SLCO6A1: variants seen among roughly 807,000 people sequenced by gnomAD.
The protein encoded by SLCO6A1 is cancer/testis antigen 48.
Under a neutral mutation model 72.7 loss-of-function variants are expected in SLCO6A1, and 65 were observed. That is an observed-to-expected ratio of 0.89 (90% CI 0.73 to 1.10). The LOEUF (loss-of-function observed/expected upper bound fraction) is 1.10, where lower values mean the gene tolerates loss of function less well. Ranked by LOEUF, SLCO6A1 falls within the 50% of genes least tolerant of loss-of-function variation. The probability of loss-of-function intolerance (pLI) is 0.00; values close to 1 mark genes in which losing one functional copy is unlikely to be tolerated. For missense variants in SLCO6A1, 874 were observed against 872.6 expected (o/e 1.00, Z -0.02); for synonymous variants, 314 against 298.2 (o/e 1.05, Z -0.55).
intron 4 of SLCO6A1, among the ~76,000 whole-genome samples, chr5:102,467,311 C>A (rs1751360822): frequency 6.6e-6 from 1 of 151,904 alleles, no homozygotes; most frequent in African/African-American, 2.4e-5. Flanking sequence ...CCTAGCTACT[C>A]CAGAGGTGGG....
At position 102,413,070 on chromosome 5, in the gene SLCO6A1, T is replaced by C; in HGVS notation, c.1546A>G (p.Ile516Val). 2.5e-6 allele frequency: 4 copies of C among 1,581,572 alleles called. No individual in the cohort carries two copies. The highest frequency in any genetic ancestry group is 1.2e-5 in the South Asian group (1 of 81,188). The change falls in exon 9 of 14, where the codon ATA becomes GTA. Residue 516 changes from isoleucine (I) to valine (V), a missense_variant. Physicochemically the swap from Ile to Val is conservative, Grantham distance 29. Transcript: ENST00000506729. ...TATTCAATATCATCTCTTCCACATA[T>C]AGAAGAATAAATTGAAGATGAGCAT... is the stretch of plus-strand genomic sequence containing the variant. The part of the protein sequence containing the change: ...CRCSSSIYSS[I>V]CGRDDIEYFS...
chr5:102,449,440 G>A (rs962563639), intron 6 of SLCO6A1, among the ~76,000 whole-genome samples: 1 of 151,244 alleles, frequency 6.6e-6, no homozygotes, highest in African/African-American at 2.4e-5. Context: ...AGGCTGGAGT[G>A]CAGTGGCACA....
At chr5:102,412,960 C>A (rs905884513) in intron 9 of SLCO6A1, 30 bp downstream of exon 9, 1 of 1,021,770 alleles carries the variant, frequency 9.8e-7, no homozygotes, top group Non-Finnish European at 1.3e-6. Context: ...AAATGTATAA[C>A]AAAACATAAT....
intron 4 of SLCO6A1, among the ~76,000 whole-genome samples, chr5:102,461,847 A>G (rs891948542): frequency 4.6e-5 from 7 of 152,112 alleles, no homozygotes; most frequent in Admixed American, 6.5e-5. Context: ...ACAAGTTTAT[A>G]GAGCATAAGA....
At chr5:102,441,243 T>C (rs1215043905) in intron 6 of SLCO6A1, among the ~76,000 whole-genome samples, 1 of 152,226 alleles carries the variant, frequency 6.6e-6, no homozygotes, top group African/African-American at 2.4e-5. Context: ...CACATTTTAT[T>C]AACCTGGAAA....
chr5:102,403,921 TCTA>T (rs1747531605), intron 9 of SLCO6A1, among the ~76,000 whole-genome samples: 1 of 152,130 alleles, frequency 6.6e-6, no homozygotes, highest in Non-Finnish European at 1.5e-5. Context: ...TACCTATTTT[TCTA>T]CTTATTTTTT....
chr5:102,447,218 C>A (rs191612225), intron 6 of SLCO6A1, among the ~76,000 whole-genome samples: 2 of 152,302 alleles, frequency 1.3e-5, no homozygotes, highest in East Asian at 3.9e-4. Flanking sequence ...TAAAAGCCTA[C>A]TCAATTGTGG....
At chr5:102,402,756 C>A (rs1001022404) in intron 9 of SLCO6A1, among the ~76,000 whole-genome samples, 1 of 152,176 alleles carries the variant, frequency 6.6e-6, no homozygotes, top group Non-Finnish European at 1.5e-5. Flanking sequence ...GGCTGAATCA[C>A]CACTTAATGA....
intron 2 of SLCO6A1, among the ~76,000 whole-genome samples, chr5:102,479,859 T>A (rs892271422): frequency 1.3e-5 from 2 of 152,170 alleles, no homozygotes; most frequent in Non-Finnish European, 2.9e-5. Context: ...ATCGATTCAC[T>A]CTTCCCTTCT....
chr5:102,483,601 G>A (rs567692439), intron 1 of SLCO6A1, among the ~76,000 whole-genome samples: 1 of 152,190 alleles, frequency 6.6e-6, no homozygotes, highest in African/African-American at 2.4e-5. Flanking sequence ...AATCATTCTG[G>A]GAAGGCTGGA....
intron 6 of SLCO6A1, among the ~76,000 whole-genome samples, chr5:102,443,281 G>C (rs1009803051): frequency 3.3e-5 from 5 of 152,148 alleles, no homozygotes; most frequent in African/African-American, 1.2e-4. Context: ...ACTTACTTCT[G>C]TCTCCTTATT....
At chr5:102,426,763 A>G (rs1282898665) in intron 7 of SLCO6A1, among the ~76,000 whole-genome samples, 1 of 152,226 alleles carries the variant, frequency 6.6e-6, no homozygotes, top group Admixed American at 6.5e-5. Flanking sequence ...CAATCCCATT[A>G]CTGCTTATAT....
chr5:102,409,204 A>G (rs1193842208), intron 9 of SLCO6A1, among the ~76,000 whole-genome samples: 3 of 152,152 alleles, frequency 2.0e-5, no homozygotes, highest in Non-Finnish European at 4.4e-5. Context: ...TTTCAGTTTT[A>G]GTACAGCTGT....
chr5:102,390,974 T>C lies in SLCO6A1; in HGVS notation c.1879+7A>G. ...TGATGTAATAAGAGATTGCCAAAAA[T>C]CCATACCAAATATTCTCAAAATCAC... On this transcript the variant is annotated splice_region_variant and intron_variant, in intron 11 of 13. Transcript: ENST00000506729. 1 of 1,613,144 alleles carries C rather than the reference T, an allele frequency of 6.2e-7. No individual in the cohort carries two copies. Among genetic ancestry groups the C allele is most frequent in the Non-Finnish European group, 8.5e-7 (1 of 1,179,380 alleles).
chr5:102,446,645 A>AG (rs1169994337), intron 6 of SLCO6A1, among the ~76,000 whole-genome samples: 1 of 152,180 alleles, frequency 6.6e-6, no homozygotes, highest in Admixed American at 6.5e-5. Flanking sequence ...CAGTTTTCAA[A>AG]GGGGAATATT....
At position 102,391,038 on chromosome 5, in the gene SLCO6A1, G is replaced by A. The variant is rs763843997; in HGVS notation, c.1822C>T (p.Pro608Ser). The change falls in exon 11 of 14, where the codon CCT becomes TCT. Residue 608 changes from proline to serine, a missense_variant. By Grantham distance (74) the Pro-to-Ser change is moderately conservative (BLOSUM62 -1). Coordinates refer to ENST00000506729, the MANE Select transcript of SLCO6A1 (RefSeq NM_173488.5). ...AAGGCCAGAGAACGCAGTTTGTCAGGTACAACCCTGAAAGTAAATAGCAAT... is the reference window on the plus strand; with the variant it reads ...AAGGCCAGAGAACGCAGTTTGTCAGATACAACCCTGAAAGTAAATAGCAAT... ...PIVLAMTRVV[P>S]DKLRSLALGV... The A allele has an allele frequency of 3.7e-6, 6 of 1,613,142 alleles. No homozygotes were observed. Among genetic ancestry groups the A allele is most frequent in the Non-Finnish European group, 4.2e-6 (5 of 1,179,316 alleles).
At chr5:102,429,281 T>G (rs1361354727) in intron 7 of SLCO6A1, among the ~76,000 whole-genome samples, 2 of 152,244 alleles carry the variant, frequency 1.3e-5, no homozygotes, top group Non-Finnish European at 2.9e-5. Flanking sequence ...ATAGTTTCTT[T>G]TGCTGTGCAG....
At chr5:102,411,747 CAAAG>C (rs964210501) in intron 9 of SLCO6A1, among the ~76,000 whole-genome samples, 2 of 151,970 alleles carry the variant, frequency 1.3e-5, no homozygotes, top group African/African-American at 4.8e-5. Context: ...CATTAGGTGA[CAAAG>C]AAGAAAATCA....
chr5:102,447,403 C>T (rs1750172082), intron 6 of SLCO6A1, among the ~76,000 whole-genome samples: 1 of 152,144 alleles, frequency 6.6e-6, no homozygotes, highest in Admixed American at 6.5e-5. Context: ...GGAGGAGTAC[C>T]TCCCCCTTGA....
Sources: allele counts gnomAD v4.1 joint callset (sites outside exome capture counted in the v4.1 genomes callset), GRCh38; gene constraint gnomAD v4.1.1; transcripts MANE v1.5; gene names NCBI Gene and HGNC (gene_info 2026-07-23, HGNC 2026-07-21).